The following CADM2 variants were observed in gnomAD, a reference collection of about 807,000 sequenced individuals.
CADM2 encodes immunoglobulin superfamily member 4D.
CADM2 carries 12 observed loss-of-function variants against 49.8 expected under a neutral mutation model. The observed-to-expected ratio is 0.24, with a 90% CI of 0.15 to 0.39. CADM2 has a LOEUF of 0.39. CADM2 is among the 10% of genes least tolerant of loss of function. CADM2 has a pLI of 1.00. For missense variants in CADM2, 378 were observed against 492.3 expected (o/e 0.77, Z 2.20); for synonymous variants, 214 against 175.4 (o/e 1.22, Z -1.74).
At chr3:85,270,576 C>T (rs2043217635) in intron 1 of CADM2, among the ~76,000 whole-genome samples, 1 of 151,278 alleles carries the variant, frequency 6.6e-6, no homozygotes, top group South Asian at 2.1e-4. Flanking sequence ...TCCATTCAGA[C>T]TTTAGCATCA....
chr3:85,041,629 T>C (rs150711873), intron 1 of CADM2, among the ~76,000 whole-genome samples: 13 of 152,332 alleles, frequency 8.5e-5, no homozygotes, highest in Non-Finnish European at 1.3e-4. Context: ...TAGTCATCTA[T>C]ACTAGTTCCT....
intron 2 of CADM2, among the ~76,000 whole-genome samples, chr3:85,785,116 A>G (rs2070899981): frequency 6.6e-6 from 1 of 152,074 alleles, no homozygotes; most frequent in Non-Finnish European, 1.5e-5. Flanking sequence ...TTTCTGTAGT[A>G]TTAGTTGTAA....
intron 7 of CADM2, among the ~76,000 whole-genome samples, chr3:85,945,422 G>A (rs530138783): frequency 2.2e-3 from 341 of 151,928 alleles, no homozygotes; most frequent in Admixed American, 5.7e-3. Flanking sequence ...TCCCCAACTC[G>A]TTTTATGAGG....
At chr3:85,509,967 G>T (rs1195299521) in intron 1 of CADM2, among the ~76,000 whole-genome samples, 2 of 151,782 alleles carry the variant, frequency 1.3e-5, no homozygotes, top group African/African-American at 4.8e-5. Flanking sequence ...TAATAATTTA[G>T]AATATGCCCT....
At chr3:85,912,905 CTTTAT>C (rs1280816213) in intron 6 of CADM2, among the ~76,000 whole-genome samples, 1 of 152,040 alleles carries the variant, frequency 6.6e-6, no homozygotes, top group African/African-American at 2.4e-5. Context: ...ATTAAAATAA[CTTTAT>C]TTTATGCAAT....
chr3:85,257,500 T>G (rs938519307), intron 1 of CADM2, among the ~76,000 whole-genome samples: 1 of 152,154 alleles, frequency 6.6e-6, no homozygotes, highest in Non-Finnish European at 1.5e-5. Flanking sequence ...TAATTATTCC[T>G]TCTAGTAGGG....
chr3:85,892,944 G>A (rs927692300), intron 5 of CADM2, among the ~76,000 whole-genome samples: 10 of 152,132 alleles, frequency 6.6e-5, no homozygotes, highest in Non-Finnish European at 1.3e-4. Flanking sequence ...TTCTTGAATG[G>A]CTTTGATCAA....
At chr3:85,197,387 C>T (rs2107737314) in intron 1 of CADM2, among the ~76,000 whole-genome samples, 1 of 151,898 alleles carries the variant, frequency 6.6e-6, no homozygotes, top group African/African-American at 2.4e-5. Flanking sequence ...TTTATTTTTT[C>T]AACAAACATT....
intron 3 of CADM2, among the ~76,000 whole-genome samples, chr3:85,840,579 T>C (rs2074599276): frequency 6.6e-6 from 1 of 151,926 alleles, no homozygotes. Flanking sequence ...TTAAATAAGC[T>C]GATTCACACT....
intron 1 of CADM2, among the ~76,000 whole-genome samples, chr3:85,354,041 G>A (rs2031607624): frequency 6.6e-6 from 1 of 151,460 alleles, no homozygotes; most frequent in Non-Finnish European, 1.5e-5. Flanking sequence ...AGCTTATTAG[G>A]AATAGAACTG....
intron 8 of CADM2, among the ~76,000 whole-genome samples, chr3:86,055,985 T>A (rs1300265629): frequency 1.3e-5 from 2 of 152,202 alleles, no homozygotes; most frequent in Admixed American, 1.3e-4. Context: ...ATGTGCCCAA[T>A]GGATAACTTA....
intron 1 of CADM2, among the ~76,000 whole-genome samples, chr3:85,394,391 A>G (rs2034669141): frequency 6.6e-6 from 1 of 152,192 alleles, no homozygotes; most frequent in African/African-American, 2.4e-5. Flanking sequence ...CTTATGCATT[A>G]TATTTCACAG....
At chr3:85,217,859 G>T (rs1406739187) in intron 1 of CADM2, among the ~76,000 whole-genome samples, 1 of 151,782 alleles carries the variant, frequency 6.6e-6, no homozygotes, top group African/African-American at 2.4e-5. Flanking sequence ...TTTTTATAAG[G>T]CTTTTTAAAT....
chr3:85,292,169 A>G (rs1282113277), intron 1 of CADM2, among the ~76,000 whole-genome samples: 6 of 148,868 alleles, frequency 4.0e-5, no homozygotes, highest in Non-Finnish European at 8.9e-5. Context: ...CTTTAAACCA[A>G]CAAAGATCAA....
chr3:85,393,259 G>A (rs1246484573), intron 1 of CADM2, among the ~76,000 whole-genome samples: 2 of 152,036 alleles, frequency 1.3e-5, no homozygotes, highest in Non-Finnish European at 2.9e-5. Flanking sequence ...AGAACTTGAT[G>A]GTAAATTTGG....
At chr3:85,917,113 A>G (rs1489059977) in intron 6 of CADM2, among the ~76,000 whole-genome samples, 5 of 151,958 alleles carry the variant, frequency 3.3e-5, no homozygotes, top group Non-Finnish European at 5.9e-5. Context: ...TCCATTCTGT[A>G]GGTTGCCTGT....
chr3:85,692,613 A>AT (rs1421185128), intron 1 of CADM2, among the ~76,000 whole-genome samples: 1 of 152,164 alleles, frequency 6.6e-6, no homozygotes, highest in East Asian at 1.9e-4. Context: ...TGAATTTTGT[A>AT]TTTTGAAGTT....
At chr3:85,323,041 A>T (rs1481574192) in intron 1 of CADM2, among the ~76,000 whole-genome samples, 1 of 152,144 alleles carries the variant, frequency 6.6e-6, no homozygotes, top group Non-Finnish European at 1.5e-5. Flanking sequence ...TCATTTTAAC[A>T]TTTTGGAAAA....
chr3:85,747,493 T>C (rs952201243), intron 2 of CADM2, among the ~76,000 whole-genome samples: 1 of 152,008 alleles, frequency 6.6e-6, no homozygotes, highest in Non-Finnish European at 1.5e-5. Context: ...GATGAGAGAT[T>C]ATTAGGATAC....
Sources: gnomAD v4.1 joint callset for allele counts (sites outside exome capture counted in the v4.1 genomes callset) on GRCh38, gnomAD v4.1.1 for gene constraint, MANE v1.5 for transcripts, NCBI Gene and HGNC (gene_info 2026-07-23, HGNC 2026-07-21) for gene names.